IHO1: variants seen among roughly 807,000 people sequenced by gnomAD.
The protein encoded by IHO1 is interactor of HORMAD1 1.
Under a neutral mutation model 31.0 loss-of-function variants are expected in IHO1, and 13 were observed. The observed-to-expected ratio is 0.42, with a 90% CI of 0.27 to 0.67. The LOEUF (loss-of-function observed/expected upper bound fraction) is 0.67, where lower values mean the gene tolerates loss of function less well. Ranked by LOEUF, IHO1 falls within the 30% of genes least tolerant of loss-of-function variation. IHO1 has a pLI of 0.24. For missense variants in IHO1, 599 were observed against 687.5 expected (o/e 0.87, Z 1.44); for synonymous variants, 221 against 248.4 (o/e 0.89, Z 1.04).
the IHO1 span, chr3:49,191,882 G>A: frequency 2.1e-6 from 2 of 973,452 alleles, no homozygotes; most frequent in South Asian, 1.4e-5. Context: ...GACAAGGGAA[G>A]GTTGTGACTG....
intron 6 of IHO1, among the ~76,000 whole-genome samples, chr3:49,254,897 C>G (rs1406804306): frequency 2.0e-5 from 3 of 151,886 alleles, no homozygotes; most frequent in Non-Finnish European, 4.4e-5. Flanking sequence ...AACCCCATCT[C>G]TACTAAAAAT....
At chr3:49,221,244 A>G (rs1191268969) in intron 2 of IHO1, among the ~76,000 whole-genome samples, 1 of 151,522 alleles carries the variant, frequency 6.6e-6, no homozygotes, top group East Asian at 1.9e-4. Flanking sequence ...ATTTTTACAG[A>G]GTGCTGATTG....
At chr3:49,213,501 A>T (rs2046248047) in intron 2 of IHO1, among the ~76,000 whole-genome samples, 1 of 152,232 alleles carries the variant, frequency 6.6e-6, no homozygotes, top group African/African-American at 2.4e-5. Flanking sequence ...CTGGGGCCGC[A>T]GGCGGAGCTG....
intron 2 of IHO1, among the ~76,000 whole-genome samples, chr3:49,234,622 C>A (rs151084643): frequency 2.0e-5 from 3 of 152,044 alleles, no homozygotes; most frequent in Non-Finnish European, 1.5e-5. Flanking sequence ...ATCATAGCAA[C>A]ATATGAATTT....
intron 2 of IHO1, among the ~76,000 whole-genome samples, chr3:49,216,349 T>C (rs2046286425): frequency 6.6e-6 from 1 of 152,128 alleles, no homozygotes; most frequent in South Asian, 2.1e-4. Flanking sequence ...TCCCAGCACT[T>C]TGGGAGGCCG....
At chr3:49,219,617 G>C (rs960390732) in intron 2 of IHO1, among the ~76,000 whole-genome samples, 1 of 152,118 alleles carries the variant, frequency 6.6e-6, no homozygotes, top group Non-Finnish European at 1.5e-5. Flanking sequence ...GTGCCGCTGG[G>C]TTAGGGTCTC....
chr3:49,219,922 G>A (rs1334328824), intron 2 of IHO1, among the ~76,000 whole-genome samples: 1 of 152,200 alleles, frequency 6.6e-6, no homozygotes, highest in Non-Finnish European at 1.5e-5. Flanking sequence ...GCCAGCTAAA[G>A]CTAAAGTGGC....
At chr3:49,207,904 G>T (rs954486202) in intron 1 of IHO1, among the ~76,000 whole-genome samples, 2 of 151,912 alleles carry the variant, frequency 1.3e-5, no homozygotes, top group African/African-American at 4.8e-5. Flanking sequence ...CTCCTGAGTA[G>T]CTGGGACTAC....
intron 1 of IHO1, among the ~76,000 whole-genome samples, chr3:49,205,002 T>A (rs1439601120): frequency 6.7e-6 from 1 of 150,312 alleles, no homozygotes; most frequent in Non-Finnish European, 1.5e-5. Context: ...CACTCCAGCC[T>A]GGGCAACAGA....
intron 2 of IHO1, among the ~76,000 whole-genome samples, chr3:49,236,225 A>G (rs1414564273): frequency 1.3e-5 from 2 of 152,208 alleles, no homozygotes; most frequent in Admixed American, 1.3e-4. Context: ...ATAAAATAAA[A>G]TGATAACATT....
intron 4 of IHO1, among the ~76,000 whole-genome samples, 161 bp from the exon 5 acceptor site, chr3:49,244,243 G>C (rs2046667746): frequency 6.6e-6 from 1 of 151,596 alleles, no homozygotes; most frequent in Admixed American, 6.6e-5. Flanking sequence ...TTTTTTCCCT[G>C]CTGGGCACTA....
rs751105051 is a variant in IHO1 at position 49,255,470 on chromosome 3, GA to G, written c.614del (p.Glu205GlyfsTer2). On this transcript the variant is annotated frameshift_variant, in exon 7 of 8. Transcript: ENST00000452691. LOFTEE classifies it low-confidence loss of function (END_TRUNC). ...AGGCAACATGGAGCAGGCCATCCTT[GA>G]GATGAAGAAAAGATTTGAAGCTGTA... ...DKGNMEQAIL[E>X]MKKRFEARQG... 6.2e-7 allele frequency: 1 copy of G among 1,600,188 alleles called. No homozygotes were observed. The highest frequency in any genetic ancestry group is 8.5e-7 in the Non-Finnish European group (1 of 1,175,588).
chr3:49,256,636 C>T lies in IHO1; in HGVS notation c.1139C>T (p.Pro380Leu). The T allele has an allele frequency of 6.2e-7, 1 of 1,614,206 alleles. No homozygotes were observed. The highest frequency in any genetic ancestry group is 8.5e-7 in the Non-Finnish European group (1 of 1,180,032). The change falls in exon 8 of 8, where the codon CCC (proline) becomes CTC (leucine). Residue 380 changes from proline (P) to leucine (L), a missense_variant. Physicochemically the swap from Pro to Leu is moderately conservative, Grantham distance 98. Coordinates refer to ENST00000452691, the MANE Select transcript of IHO1 (RefSeq NM_001135197.2). This position sits in a 1 kb window ranked among gnomAD's most constrained non-coding sequence, Gnocchi z 4.6. ...HGSSVPGHKIPSDRDLVSQGA... is the reference protein window; with the variant it reads ...HGSSVPGHKILSDRDLVSQGA... ...TCCAGCGTCCCAGGCCATAAGATTC[C>T]CAGTGACAGGGACCTGGTTTCCCAA...
the IHO1 span, among the ~76,000 whole-genome samples, chr3:49,191,313 T>G: frequency 6.6e-6 from 1 of 152,184 alleles, no homozygotes; most frequent in Non-Finnish European, 1.5e-5. Context: ...AACCCCTCAC[T>G]CTCTATTCAG....
In IHO1 at chr3:49,257,264, T is replaced by G; in HGVS notation, c.1767T>G (p.Ser589Arg). ...TCTATGACCTGGGTTTTGATAGCAG[T>G]GATGATGATGGCTTCTGACCAGTCC... The part of the protein sequence containing the change: ...NLLYDLGFDS[S>R]DDDGF Residue 589 changes from serine (S) to arginine (R), a missense_variant, in exon 8 of 8, where the codon AGT (serine) becomes AGG (arginine). Physicochemically the swap from Ser to Arg is moderately radical, Grantham distance 110 (BLOSUM62 -1). Transcript: ENST00000452691. 1 of 1,613,826 alleles carries G rather than the reference T, an allele frequency of 6.2e-7. No individual in the cohort carries two copies. Among genetic ancestry groups the G allele is most frequent in the Middle Eastern group, 1.7e-4 (1 of 6,060 alleles).
At chr3:49,234,751 G>A (rs1264549883) in intron 2 of IHO1, among the ~76,000 whole-genome samples, 1 of 151,980 alleles carries the variant, frequency 6.6e-6, no homozygotes, top group Admixed American at 6.6e-5. Flanking sequence ...AAATTAATGT[G>A]TACCCTCCAA....
In IHO1 at chr3:49,204,293, G is replaced by GC. The variant is rs2046106068; in HGVS notation, c.-16+4721dup. ...CATAGCATTCAGCTACGTGGGTTCAGCATGTGAAAGCTGCATATATGGAGG... is the reference window on the plus strand; with the variant it reads ...CATAGCATTCAGCTACGTGGGTTCAGCCATGTGAAAGCTGCATATATGGAGG... On this transcript the variant is annotated intron_variant, in intron 1 of 7. Transcript: ENST00000452691. 2.6e-5 allele frequency among the ~76,000 whole-genome samples: 4 copies of GC among 152,166 alleles called. No individual in the cohort carries two copies. The South Asian group carries it at 8.3e-4, about 31-fold the overall frequency.
intron 2 of IHO1, among the ~76,000 whole-genome samples, chr3:49,214,607 C>CATATATATATATATATATACATATATAT (rs1575568932): frequency 4.0e-5 from 1 of 24,788 alleles, no homozygotes; most frequent in Non-Finnish European, 6.7e-5. Flanking sequence ...ATTTCTAGAT[C>CATATATATATATATATATACATATATAT]ATATATATAT....
chr3:49,231,670 C>A (rs2046483356), intron 2 of IHO1, among the ~76,000 whole-genome samples: 1 of 152,224 alleles, frequency 6.6e-6, no homozygotes, highest in Admixed American at 6.5e-5. Context: ...GTAGAATGCA[C>A]CCTTTTTACA....
Sources: gnomAD v4.1 joint callset for allele counts (sites outside exome capture counted in the v4.1 genomes callset) on GRCh38, gnomAD v4.1.1 for gene constraint, Gnocchi (gnomAD v3.1) non-coding constraint, MANE v1.5 for transcripts, NCBI Gene and HGNC (gene_info 2026-07-23, HGNC 2026-07-21) for gene names.